OR10K2: variants seen among roughly 807,000 people sequenced by gnomAD.
OR10K2 encodes olfactory receptor family 10 subfamily K member 2.
For missense variants in OR10K2, 401 were observed against 367.1 expected (o/e 1.09, Z -0.76); for synonymous variants, 169 against 146.4 (o/e 1.15, Z -1.11).
chr1:158,424,326 T>C (rs996543547), intron 1 of OR10K2, among the ~76,000 whole-genome samples: 3 of 152,056 alleles, frequency 2.0e-5, no homozygotes, highest in African/African-American at 4.8e-5. Context: ...TCATGTTTCA[T>C]GTTGAGGTCA....
chr1:158,420,213 A>G lies in OR10K2; in HGVS notation c.654T>C (p.Tyr218=). 2.5e-6 allele frequency: 4 copies of G among 1,613,782 alleles called. No homozygotes were observed. The highest frequency in any genetic ancestry group is 3.4e-6 in the Non-Finnish European group (4 of 1,179,864). The stretch of plus-strand genomic sequence containing the variant: ...GAAGTATGGCAGAGAGGATGTGAAC[A>G]TAGGACACCAAGATCAACAATAAGG... The part of the protein sequence containing the change: ...AIPLLLILVS[Y]VHILSAILQF... Residue 218 remains tyrosine (Y), a synonymous_variant, in exon 2 of 2, where the codon TAT becomes TAC. Transcript: ENST00000641042.
intron 1 of OR10K2, among the ~76,000 whole-genome samples, chr1:158,422,823 A>G (rs2101648174): frequency 6.6e-6 from 1 of 152,136 alleles, no homozygotes; most frequent in African/African-American, 2.4e-5. Flanking sequence ...TCATGTTTCA[A>G]GGGTGAGACC....
chr1:158,422,322 A>G (rs1386173481), intron 1 of OR10K2, among the ~76,000 whole-genome samples: 1 of 152,100 alleles, frequency 6.6e-6, no homozygotes, highest in East Asian at 1.9e-4. Flanking sequence ...CTTAGAACTC[A>G]CAGAGTAAGA....
At chr1:158,423,678 C>T (rs545765439) in intron 1 of OR10K2, among the ~76,000 whole-genome samples, 1 of 152,118 alleles carries the variant, frequency 6.6e-6, no homozygotes, top group East Asian at 1.9e-4. Flanking sequence ...GCATTTAACT[C>T]ATGGGAAGTT....
At chr1:158,424,992 A>G (rs764478342) in intron 1 of OR10K2, among the ~76,000 whole-genome samples, 2 of 152,088 alleles carry the variant, frequency 1.3e-5, no homozygotes, top group Non-Finnish European at 2.9e-5. Flanking sequence ...ATGCTTTTGT[A>G]ACAGTTGAGT....
rs138359616 is a variant in OR10K2, at chr1:158,423,041, C to A, written c.-61-2114G>T. ...TCATAACACAGGCACTATTTAGTTT[C>A]TAAAACTTTTAATCTAAATATATAA... is the stretch of plus-strand genomic sequence containing the variant. On this transcript the variant is annotated intron_variant, in intron 1 of 1. Coordinates refer to ENST00000641042, the MANE Select transcript of OR10K2 (RefSeq NM_001004476.2). Among the ~76,000 whole-genome samples, 1,218 of 152,002 alleles carry A rather than the reference C, an allele frequency of 8.0e-3. 22 individuals are homozygous for A. Among genetic ancestry groups the A allele is most frequent in the African/African-American group, 0.027 (1,124 of 41,510 alleles).
At position 158,420,113 on chromosome 1, in the gene OR10K2, A is replaced by G. The variant is rs1445163900; in HGVS notation, c.754T>C (p.Tyr252His). Residue 252 changes from tyrosine (Y) to histidine (H), a missense_variant, in exon 2 of 2, where the codon TAT becomes CAT. Transcript: ENST00000641042. ...AAGTAGATAAAGGAGGCACAGCCAT[A>G]GTGGACAGTGACAATAATGAGGTGA... ...VSHLIIVTVH[Y>H]GCASFIYLRP... The G allele has an allele frequency of 1.9e-6, 3 of 1,613,772 alleles. No individual in the cohort carries two copies. The highest frequency in any genetic ancestry group is 4.5e-5 in the East Asian group (2 of 44,834).
rs946919772 is a variant in OR10K2, at chr1:158,421,395, A to C, written c.-61-468T>G. 2.0e-5 allele frequency among the ~76,000 whole-genome samples: 3 copies of C among 152,064 alleles called. No homozygotes were observed. The South Asian group carries it at 6.2e-4, about 32-fold the overall frequency. ...AACTTAGATTCAAATTCTCTTCAAC[A>C]CTGTTTTCCTTACCTCCTGGCAGGA... On this transcript the variant is annotated intron_variant, in intron 1 of 1. Transcript: ENST00000641042.
In OR10K2 at chr1:158,420,892, T is replaced by C; in HGVS notation, c.-26A>G. ...GGAGCATACATCATCAGGAGACAAT[T>C]AGGGAGAGAAGAGGAGTCAGCACCA... On this transcript the variant is annotated 5_prime_UTR_variant, in exon 2 of 2. Transcript: ENST00000641042. The C allele has an allele frequency of 6.3e-7, 1 of 1,595,914 alleles. No individual in the cohort carries two copies. Among genetic ancestry groups the C allele is most frequent in the African/African-American group, 1.3e-5 (1 of 74,298 alleles).
rs1655090063 is a variant in OR10K2 at position 158,418,963 on chromosome 1, G to C, written c.*965C>G. ...TAGCTTGCCTTGCCTGGTCATTTAG[G>C]GTGATTTTAGGTCTTGTCATTAATC... On this transcript the variant is annotated 3_prime_UTR_variant, in exon 2 of 2. Transcript: ENST00000641042. 1 of 151,976 alleles carries C rather than the reference G, an allele frequency of 6.6e-6. No homozygotes were observed. Among genetic ancestry groups the C allele is most frequent in the Non-Finnish European group, 1.5e-5 (1 of 67,972 alleles). The allele number at this position is 151,976 out of a possible 1,614,324, so 9.4% of individuals were successfully genotyped here. A position where few individuals can be genotyped will look rare whatever the true frequency, so the allele number is the denominator to read the frequency against.
Position 158,419,825 on chromosome 1 carries a change from TG to T in OR10K2, c.*102del. ...TAGGATTTCACTATGTTGGCCAGGCTGGTCTTGAAGTCCTGACCTCAGGTGA... is the reference window on the plus strand; with the variant it reads ...TAGGATTTCACTATGTTGGCCAGGCTGTCTTGAAGTCCTGACCTCAGGTGA... On this transcript the variant is annotated 3_prime_UTR_variant, in exon 2 of 2. Transcript: ENST00000641042. 1 of 857,708 alleles carries T rather than the reference TG, an allele frequency of 1.2e-6. No individual in the cohort carries two copies. The highest frequency in any genetic ancestry group is 1.7e-5 in the African/African-American group (1 of 58,630). 53.1% of individuals were successfully genotyped at this position (857,708 alleles called of 1,614,324 possible). A position where few individuals can be genotyped will look rare whatever the true frequency, so the allele number is the denominator to read the frequency against.
Position 158,420,073 on chromosome 1 carries a change from T to C in OR10K2, c.794A>G (p.Asn265Ser), listed in dbSNP as rs139543898. The change falls in exon 2 of 2, where the codon AAC becomes AGC. Residue 265 changes from asparagine to serine, a missense_variant. Transcript: ENST00000641042. ...TAGAGCATCCTGGCTTGAGGAGTAG[T>C]TGGACTGAGGCCTTAAGTAGATAAA... The part of the protein sequence containing the change: ...ASFIYLRPQS[N>S]YSSSQDALIS... 216 of 1,613,738 alleles carry C rather than the reference T, an allele frequency of 1.3e-4. 1 individual carries two copies. In the African/African-American group the frequency reaches 2.5e-3, roughly 19 times the overall value.
chr1:158,421,075 A>G lies in OR10K2; in HGVS notation c.-61-148T>C, dbSNP rs566720055. 61 of 600,922 alleles carry G rather than the reference A, an allele frequency of 1.0e-4. No homozygotes were observed. The South Asian group carries it at 1.2e-3, about 12-fold the overall frequency. The allele number at this position is 600,922 out of a possible 1,614,324, so 37.2% of individuals were successfully genotyped here. ...AGCGTTCATCAAACTTTGAGTCTCCATAGTAGTTCTAACACCATAGCCAAA... is the reference window on the plus strand; with the variant it reads ...AGCGTTCATCAAACTTTGAGTCTCCGTAGTAGTTCTAACACCATAGCCAAA... On this transcript the variant is annotated intron_variant, in intron 1 of 1. Coordinates refer to ENST00000641042, the MANE Select transcript of OR10K2 (RefSeq NM_001004476.2).
At chr1:158,423,791 C>G (rs1352879228) in intron 1 of OR10K2, among the ~76,000 whole-genome samples, 1 of 151,936 alleles carries the variant, frequency 6.6e-6, no homozygotes, top group Non-Finnish European at 1.5e-5. Context: ...CTTGGTTTTC[C>G]ACGGAGTTCT....
rs1187849390 is a variant in OR10K2 at position 158,420,089 on chromosome 1, A to G, written c.778T>C (p.Leu260=). ...GAGGAGTAGTTGGACTGAGGCCTTA[A>G]GTAGATAAAGGAGGCACAGCCATAG... ...VHYGCASFIY[L]RPQSNYSSSQ... is the part of the protein sequence containing the mutation. The change falls in exon 2 of 2, where the codon TTA becomes CTA. Residue 260 remains leucine (L), a synonymous_variant. Transcript: ENST00000641042. 4.3e-6 allele frequency: 7 copies of G among 1,613,658 alleles called. No homozygotes were observed. Among genetic ancestry groups the G allele is most frequent in the Non-Finnish European group, 5.1e-6 (6 of 1,179,856 alleles).
intron 1 of OR10K2, 127 bp from the exon 2 acceptor site, chr1:158,421,054 T>C (rs1655146929): frequency 3.2e-6 from 2 of 623,048 alleles, no homozygotes; most frequent in Admixed American, 3.0e-5. Flanking sequence ...CAGGCAAGCG[T>C]TCATCAAACT....
chr1:158,421,495 ATCT>A, intron 1 of OR10K2, among the ~76,000 whole-genome samples: 1 of 152,168 alleles, frequency 6.6e-6, no homozygotes. Flanking sequence ...GAAAAAAATT[ATCT>A]TCTTCTTTCT....
At position 158,420,001 on chromosome 1, in the gene OR10K2, A is replaced by G. The variant is rs1557860396; in HGVS notation, c.866T>C (p.Ile289Thr). ...GAACTCTTTATTTCTCAAGCTATAA[A>G]TCATTGGGTTGAACAATGGAGTTAT... is the stretch of plus-strand genomic sequence containing the variant. The part of the protein sequence containing the change: ...TIITPLFNPM[I>T]YSLRNKEFKS... The change falls in exon 2 of 2, where the codon ATT becomes ACT. Residue 289 changes from isoleucine to threonine, a missense_variant. Ile to Thr is a moderately conservative substitution (Grantham distance 89). Coordinates refer to ENST00000641042, the MANE Select transcript of OR10K2 (RefSeq NM_001004476.2). 1 of 1,613,244 alleles carries G rather than the reference A, an allele frequency of 6.2e-7. No homozygotes were observed. The highest frequency in any genetic ancestry group is 8.5e-7 in the Non-Finnish European group (1 of 1,179,506).
rs754899347 is a variant in OR10K2 at position 158,420,392 on chromosome 1, T to C, written c.475A>G (p.Ile159Val). 2 of 1,613,876 alleles carry C rather than the reference T, an allele frequency of 1.2e-6. No individual in the cohort carries two copies. Among genetic ancestry groups the C allele is most frequent in the Admixed American group, 3.3e-5 (2 of 59,924 alleles). The part of the protein sequence containing the change: ...CACGFTVAQI[I>V]TSLVFHLPFY... ...GGCAGGTGAAATACCAAGGATGTGA[T>C]GATCTGTGCAACAGTGAAGCCACAG... Residue 159 changes from isoleucine (I) to valine (V), a missense_variant, in exon 2 of 2, where the codon ATC (isoleucine) becomes GTC (valine). Transcript: ENST00000641042.
Sources: gnomAD v4.1 joint callset for allele counts (sites outside exome capture counted in the v4.1 genomes callset) on GRCh38, gnomAD v4.1.1 for gene constraint, MANE v1.5 for transcripts, NCBI Gene and HGNC (gene_info 2026-07-23, HGNC 2026-07-21) for gene names.